CERS6: variants seen among roughly 807,000 people sequenced by gnomAD.
CERS6 encodes the protein ceramide synthase 6, also known as LAG1 homolog, ceramide synthase 6.
In CERS6, 26 loss-of-function variants were observed where a neutral mutation model predicts 56.8. That is an observed-to-expected ratio of 0.46 (90% CI 0.34 to 0.63). The LOEUF (loss-of-function observed/expected upper bound fraction) is 0.63, where lower values mean the gene tolerates loss of function less well. CERS6 is among the 30% of genes least tolerant of loss of function. The probability of loss-of-function intolerance (pLI) is 0.01; values close to 1 mark genes in which losing one functional copy is unlikely to be tolerated. For missense variants in CERS6, 415 were observed against 467.5 expected (o/e 0.89, Z 1.04); for synonymous variants, 164 against 173.3 (o/e 0.95, Z 0.42).
At chr2:168,528,624 G>T (rs1158277310) in intron 1 of CERS6, among the ~76,000 whole-genome samples, 1 of 50,688 alleles carries the variant, frequency 2.0e-5, no homozygotes, top group Non-Finnish European at 5.1e-5. Context: ...ACATAAGGGA[G>T]TTAGGCAGAA....
intron 1 of CERS6, among the ~76,000 whole-genome samples, chr2:168,538,727 T>C (rs1202658851): frequency 6.6e-6 from 1 of 152,224 alleles, no homozygotes; most frequent in Non-Finnish European, 1.5e-5. Context: ...TGATACATAA[T>C]AGATGCTCAC....
chr2:168,483,866 A>G lies in CERS6; in HGVS notation c.170+27248A>G, dbSNP rs186594956. ...GGCATCAGAGTCACCTGGAGAGCTC[A>G]TGAGACCAGAAGGCTGGGTCCCACC... is the stretch of plus-strand genomic sequence containing the variant. On this transcript the variant is annotated intron_variant, in intron 1 of 9. Transcript: ENST00000305747. Among the ~76,000 whole-genome samples, 389 of 152,344 alleles carry G rather than the reference A, an allele frequency of 2.6e-3. 2 individuals carry two copies. The highest frequency in any genetic ancestry group is 8.9e-3 in the African/African-American group (370 of 41,570).
chr2:168,599,522 A>G (rs1683881905), intron 3 of CERS6, among the ~76,000 whole-genome samples: 1 of 152,206 alleles, frequency 6.6e-6, no homozygotes, highest in Non-Finnish European at 1.5e-5. Flanking sequence ...TCCAACTGTG[A>G]GTGCTAGGGT....
intron 4 of CERS6, among the ~76,000 whole-genome samples, chr2:168,661,340 A>G (rs913363923): frequency 4.6e-5 from 7 of 152,216 alleles, no homozygotes; most frequent in Non-Finnish European, 8.8e-5. Flanking sequence ...ACTAGCAGCT[A>G]GAGAATTATG....
chr2:168,458,968 C>T (rs1301580342), intron 1 of CERS6, among the ~76,000 whole-genome samples: 1 of 152,210 alleles, frequency 6.6e-6, no homozygotes, highest in Non-Finnish European at 1.5e-5. Context: ...TAAAACAGAA[C>T]CATTCAGTAT....
chr2:168,474,566 T>A (rs1694034715), intron 1 of CERS6, among the ~76,000 whole-genome samples: 1 of 152,180 alleles, frequency 6.6e-6, no homozygotes, highest in African/African-American at 2.4e-5. Flanking sequence ...TATTTTAACA[T>A]GATGACTTTT....
At chr2:168,624,359 A>G (rs1684543177) in intron 3 of CERS6, among the ~76,000 whole-genome samples, 1 of 152,184 alleles carries the variant, frequency 6.6e-6, no homozygotes, top group Non-Finnish European at 1.5e-5. Context: ...ATTTAGTAGT[A>G]AAAACCATGA....
At chr2:168,659,646 G>C (rs1185573778) in intron 4 of CERS6, among the ~76,000 whole-genome samples, 1 of 151,682 alleles carries the variant, frequency 6.6e-6, no homozygotes, top group African/African-American at 2.4e-5. Context: ...CCTTATCTTA[G>C]TTATAACACC....
At chr2:168,691,202 C>A (rs1686492912) in intron 5 of CERS6, 118 bp downstream of exon 5, 5 of 831,022 alleles carry the variant, frequency 6.0e-6, no homozygotes, top group Non-Finnish European at 6.3e-6. Flanking sequence ...TGGCCCCACT[C>A]CCGCTGATCA....
chr2:168,667,787 A>G (rs1685801851), intron 4 of CERS6, among the ~76,000 whole-genome samples: 1 of 152,240 alleles, frequency 6.6e-6, no homozygotes, highest in Non-Finnish European at 1.5e-5. Context: ...CCAAGATAAT[A>G]GGCTAGACCT....
At chr2:168,599,860 G>A (rs1683890569) in intron 3 of CERS6, among the ~76,000 whole-genome samples, 1 of 152,170 alleles carries the variant, frequency 6.6e-6, no homozygotes, top group Admixed American at 6.5e-5. Flanking sequence ...GTAGAGATGA[G>A]CTATTTGCCT....
intron 8 of CERS6, among the ~76,000 whole-genome samples, chr2:168,759,453 C>T (rs1473059505): frequency 2.0e-5 from 3 of 152,166 alleles, no homozygotes; most frequent in Non-Finnish European, 4.4e-5. Context: ...AAAATGGTCT[C>T]AGGTCCCTTC....
intron 1 of CERS6, among the ~76,000 whole-genome samples, chr2:168,491,986 A>G (rs569552277): frequency 2.0e-5 from 3 of 152,262 alleles, no homozygotes; most frequent in East Asian, 3.9e-4. Flanking sequence ...TCCATGGTGT[A>G]TATGTGCCAC....
intron 8 of CERS6, among the ~76,000 whole-genome samples, chr2:168,727,643 T>A: frequency 6.6e-6 from 1 of 152,192 alleles, no homozygotes; most frequent in South Asian, 2.1e-4. Flanking sequence ...TAGGAGAAGA[T>A]TAGCTTTTTA....
At chr2:168,475,631 G>T (rs1336259839) in intron 1 of CERS6, among the ~76,000 whole-genome samples, 1 of 152,110 alleles carries the variant, frequency 6.6e-6, no homozygotes, top group Non-Finnish European at 1.5e-5. Context: ...ATTTTTATTG[G>T]TATTTTATGG....
chr2:168,640,228 C>G (rs985336804), intron 4 of CERS6, among the ~76,000 whole-genome samples: 1 of 152,030 alleles, frequency 6.6e-6, no homozygotes. Flanking sequence ...ATTTCTGTGC[C>G]CTTAGGACCG....
intron 3 of CERS6, 125 bp from the exon 4 acceptor site, chr2:168,630,860 T>A: frequency 2.2e-6 from 1 of 460,996 alleles, no homozygotes. Context: ...TCATTAAGTT[T>A]AATCCTTAGT....
At chr2:168,598,786 G>A (rs772775327) in intron 3 of CERS6, among the ~76,000 whole-genome samples, 9 of 151,912 alleles carry the variant, frequency 5.9e-5, no homozygotes, top group East Asian at 1.9e-4. Context: ...CAAATATTGC[G>A]GTGATACAAC....
chr2:168,557,754 G>A (rs1300107759), intron 2 of CERS6, among the ~76,000 whole-genome samples: 1 of 152,070 alleles, frequency 6.6e-6, no homozygotes, highest in Non-Finnish European at 1.5e-5. Flanking sequence ...TTCAAATGTA[G>A]AAACTATAAC....
Sources: gnomAD v4.1 joint callset for allele counts (sites outside exome capture counted in the v4.1 genomes callset) on GRCh38, gnomAD v4.1.1 for gene constraint, MANE v1.5 for transcripts, NCBI Gene and HGNC (gene_info 2026-07-23, HGNC 2026-07-21) for gene names.